ABCA12: variants seen among roughly 807,000 people sequenced by gnomAD.
ABCA12 encodes the protein ATP binding cassette subfamily A member 12.
A neutral mutation model predicts 293.5 loss-of-function variants in ABCA12; 156 were observed. The observed-to-expected ratio is 0.53, with a 90% CI of 0.47 to 0.61. The LOEUF (loss-of-function observed/expected upper bound fraction) is 0.61, where lower values mean the gene tolerates loss of function less well. Ranked by LOEUF, ABCA12 falls within the 20% of genes least tolerant of loss-of-function variation. The pLI is 0.00. For missense variants in ABCA12, 2,797 were observed against 3,090.2 expected (o/e 0.91, Z 2.25); for synonymous variants, 1,063 against 1,108.0 (o/e 0.96, Z 0.81).
chr2:215,055,797 CT>C, intron 3 of ABCA12, among the ~76,000 whole-genome samples: 1 of 152,144 alleles, frequency 6.6e-6, no homozygotes, highest in Non-Finnish European at 1.5e-5. Context: ...GTTCTGCATT[CT>C]TAATATATAT....
chr2:215,079,186 C>A (rs1403825429), intron 2 of ABCA12, among the ~76,000 whole-genome samples: 1 of 152,212 alleles, frequency 6.6e-6, no homozygotes, highest in Non-Finnish European at 1.5e-5. Flanking sequence ...CTCATACCAT[C>A]TTTTCTTCCT....
rs540623115 is a variant in ABCA12 at position 214,980,609 on chromosome 2, G to A, written c.4614C>T (p.Asp1538=). The part of the protein sequence containing the change: ...RTIILSTHHL[D]EAEVLSDRIA... Reference sequence around the variant, plus strand: ...TGCGGTCACTCAGCACTTCAGCCTCGTCCAAGTGGTGCGTTGACAGAATGA... The same window carrying A: ...TGCGGTCACTCAGCACTTCAGCCTCATCCAAGTGGTGCGTTGACAGAATGA... Residue 1538 remains aspartate (D), a synonymous_variant, in exon 31 of 53, where the codon GAC becomes GAT. Coordinates refer to ENST00000272895, the MANE Select transcript of ABCA12 (RefSeq NM_173076.3). The A allele has an allele frequency of 4.6e-4, 748 of 1,614,034 alleles. 7 individuals are homozygous for A. In the South Asian group the frequency reaches 7.2e-3, roughly 16 times the overall value.
intron 1 of ABCA12, among the ~76,000 whole-genome samples, chr2:215,113,402 CA>C (rs1345784641): frequency 3.3e-5 from 5 of 152,234 alleles, no homozygotes; most frequent in African/African-American, 1.2e-4. Flanking sequence ...TAATCTAAAA[CA>C]GCACTTCTCA....
chr2:214,982,281 A>G lies in ABCA12; in HGVS notation c.4485T>C (p.Gly1495=). 2 of 1,614,116 alleles carry G rather than the reference A, an allele frequency of 1.2e-6. No homozygotes were observed. The highest frequency in any genetic ancestry group is 1.7e-6 in the Non-Finnish European group (2 of 1,180,002). Residue 1495 remains glycine (G), a synonymous_variant, in exon 30 of 53, where the codon GGT becomes GGC. Transcript: ENST00000272895. ...CATCCAAAATTACTACCCTTGATCC[A>G]CCAATGAGAGCTATGGATATAGATA... The part of the protein sequence containing the change: ...RKLSISIALI[G]GSRVVILDEP...
In ABCA12 at chr2:215,064,160, G is replaced by T. The variant is rs1350824739; in HGVS notation, c.223C>A (p.Leu75Ile). ...TTGCATTTAGAGTCTGTGTCACAGA[G>T]TAGGGTCTGCAGGAATGGAAAGAAT... Reference protein sequence around the residue: ...TGFFPFLQTLLCDTDSKCKDT... With the variant: ...TGFFPFLQTLICDTDSKCKDT... Residue 75 changes from leucine (L) to isoleucine (I), a missense_variant, in exon 3 of 53, where the codon CTC (leucine) becomes ATC (isoleucine). Leu to Ile is a conservative substitution (Grantham distance 5). Around this residue, in one of 3 missense-constraint regions of ABCA12, gnomAD observed 656 missense variants for 638.2 expected, o/e 1.03. Transcript: ENST00000272895. 1.9e-6 allele frequency: 3 copies of T among 1,612,844 alleles called. No homozygotes were observed. The highest frequency in any genetic ancestry group is 1.7e-6 in the Non-Finnish European group (2 of 1,179,274).
chr2:215,102,616 C>T (rs1702382644), intron 2 of ABCA12, among the ~76,000 whole-genome samples: 1 of 152,034 alleles, frequency 6.6e-6, no homozygotes, highest in African/African-American at 2.4e-5. Flanking sequence ...TAAAAATAAA[C>T]TCTAATACTT....
chr2:215,054,517 A>G, intron 4 of ABCA12, 56 bp downstream of exon 4: 1 of 1,378,246 alleles, frequency 7.3e-7, no homozygotes, highest in Non-Finnish European at 1.0e-6. Context: ...TTCAAAGATT[A>G]GACCTTTACT....
chr2:214,978,771 G>A, intron 32 of ABCA12, 33 bp downstream of exon 32: 2 of 1,596,608 alleles, frequency 1.3e-6, no homozygotes, highest in Non-Finnish European at 1.7e-6. Flanking sequence ...AGTTATATCA[G>A]CTTGAAGAAA....
intron 1 of ABCA12, among the ~76,000 whole-genome samples, chr2:215,131,368 C>A (rs1158611419): frequency 1.3e-5 from 2 of 151,374 alleles, no homozygotes; most frequent in Non-Finnish European, 3.0e-5. Context: ...TTGTCCTGGG[C>A]TTTTTTTATC....
At chr2:214,956,304 T>C (rs940130306) in intron 42 of ABCA12, among the ~76,000 whole-genome samples, 1 of 152,158 alleles carries the variant, frequency 6.6e-6, no homozygotes, top group Non-Finnish European at 1.5e-5. Context: ...CACTTCATAA[T>C]GCTACATATA....
At chr2:214,973,285 T>C (rs1461220517) in intron 36 of ABCA12, among the ~76,000 whole-genome samples, 2 of 152,234 alleles carry the variant, frequency 1.3e-5, no homozygotes, top group East Asian at 3.8e-4. Context: ...TGTACAACCA[T>C]ATGTCACTCT....
chr2:215,011,800 A>T, intron 16 of ABCA12, 151 bp from the exon 17 acceptor site: 1 of 1,151,090 alleles, frequency 8.7e-7, no homozygotes. Context: ...AATGAAGAAC[A>T]ATAAACTTCA....
chr2:215,057,783 CT>C (rs1416220466), intron 3 of ABCA12, among the ~76,000 whole-genome samples: 4 of 152,082 alleles, frequency 2.6e-5, no homozygotes, highest in African/African-American at 9.6e-5. Context: ...ACTAAAGCAA[CT>C]TTTTTTAAAT....
At chr2:215,092,981 C>T (rs1702178122) in intron 2 of ABCA12, among the ~76,000 whole-genome samples, 1 of 152,190 alleles carries the variant, frequency 6.6e-6, no homozygotes, top group Non-Finnish European at 1.5e-5. Context: ...TTACTTCAGT[C>T]AAGCCCTTTC....
intron 1 of ABCA12, among the ~76,000 whole-genome samples, chr2:215,126,528 G>C (rs552423405): frequency 6.6e-6 from 1 of 152,026 alleles, no homozygotes; most frequent in Non-Finnish European, 1.5e-5. Flanking sequence ...TTTAAGCTAG[G>C]AGGGTTGTAT....
intron 49 of ABCA12, among the ~76,000 whole-genome samples, chr2:214,944,559 A>G (rs1279751514): frequency 1.3e-5 from 2 of 152,140 alleles, no homozygotes; most frequent in African/African-American, 2.4e-5. Flanking sequence ...AGGGTGTTGC[A>G]GGGGAAAAAG....
At chr2:215,104,397 C>T (rs559032865) in intron 2 of ABCA12, among the ~76,000 whole-genome samples, 4 of 152,276 alleles carry the variant, frequency 2.6e-5, no homozygotes, top group East Asian at 1.9e-4. Flanking sequence ...AGGGTGTGCC[C>T]ATCCACATTG....
chr2:215,103,234 T>C (rs1008450643), intron 2 of ABCA12, among the ~76,000 whole-genome samples: 5 of 151,568 alleles, frequency 3.3e-5, no homozygotes, highest in Admixed American at 2.0e-4. Context: ...AGAATAAATG[T>C]GAAACTTTAA....
At position 214,935,020 on chromosome 2, in the gene ABCA12, T is replaced by A. The variant is rs566718060; in HGVS notation, c.7543-805A>T. ...TGGGATAATCTTTGCTGATACTAGT[T>A]TGATTAGGATATTTTCTTATTCCAG... On this transcript the variant is annotated intron_variant, in intron 51 of 52. Coordinates refer to ENST00000272895, the MANE Select transcript of ABCA12 (RefSeq NM_173076.3). 4.6e-5 allele frequency among the ~76,000 whole-genome samples: 7 copies of A among 152,312 alleles called. No homozygotes were observed. The South Asian group carries it at 1.4e-3, about 32-fold the overall frequency.
Sources: gnomAD v4.1 joint callset for allele counts (sites outside exome capture counted in the v4.1 genomes callset) on GRCh38, gnomAD v4.1.1 for gene constraint, gnomAD v4.1.1 regional missense constraint, MANE v1.5 for transcripts, NCBI Gene and HGNC (gene_info 2026-07-23, HGNC 2026-07-21) for gene names.